Variants in PRKD1 observed in about 807,000 individuals in gnomAD.
PRKD1 encodes the protein serine/threonine-protein kinase D1.
PRKD1 carries 63 observed loss-of-function variants against 95.9 expected under a neutral mutation model. That is an observed-to-expected ratio of 0.66 (90% CI 0.54 to 0.81). PRKD1 has a LOEUF of 0.81. Among genes scored for constraint, PRKD1 ranks in the 30% least tolerant of loss-of-function variants. The probability of loss-of-function intolerance (pLI) is 0.00; values close to 1 mark genes in which losing one functional copy is unlikely to be tolerated. For synonymous variants in PRKD1, 425 were observed against 423.1 expected, an observed-to-expected ratio of 1.00 and a Z score of -0.05; for missense variants, 1,048 against 1,165.3, an observed-to-expected ratio of 0.90 and a Z score of 1.47.
chr14:29,839,101 A>C (rs1323022259), intron 1 of PRKD1, among the ~76,000 whole-genome samples: 1 of 152,204 alleles, frequency 6.6e-6, no homozygotes, highest in East Asian at 1.9e-4. Flanking sequence ...ACGAAAAAAA[A>C]AATTCCTCGT....
intron 1 of PRKD1, among the ~76,000 whole-genome samples, chr14:29,878,450 T>C (rs1177403071): frequency 6.6e-6 from 1 of 151,404 alleles, no homozygotes; most frequent in South Asian, 2.1e-4. Context: ...AAACAAATAC[T>C]TGTACAACAA....
intron 16 of PRKD1, among the ~76,000 whole-genome samples, chr14:29,590,851 C>T (rs2138986004): frequency 1.3e-5 from 2 of 152,208 alleles, no homozygotes; most frequent in South Asian, 2.1e-4. Context: ...AGTGCAGAGG[C>T]ACTTGCACCC....
chr14:29,624,204 C>A lies in PRKD1; in HGVS notation c.1853G>T (p.Arg618Leu). The change falls in exon 13 of 18, where the codon CGA becomes CTA. Residue 618 changes from arginine to leucine, a missense_variant. This residue lies in a region of PRKD1 where 739 missense variants were observed against 861.9 expected (regional missense o/e 0.86). Coordinates refer to ENST00000331968, the MANE Select transcript of PRKD1 (RefSeq NM_002742.3). Reference protein sequence around the residue: ...DVAIKIIDKLRFPTKQESQLR... With the variant: ...DVAIKIIDKLLFPTKQESQLR... The stretch of plus-strand genomic sequence containing the variant: ...CTGGCTTTCTTGTTTTGTTGGAAAT[C>A]GTAATTTGTCAATGATTTTAATAGC... 3 of 1,604,232 alleles carry A rather than the reference C, an allele frequency of 1.9e-6. No homozygotes were observed. Among genetic ancestry groups the A allele is most frequent in the Non-Finnish European group, 2.6e-6 (3 of 1,174,964 alleles).
chr14:29,919,688 C>T (rs768508404), intron 1 of PRKD1, among the ~76,000 whole-genome samples: 3 of 152,026 alleles, frequency 2.0e-5, no homozygotes, highest in Non-Finnish European at 4.4e-5. Context: ...TGAGGCTGAG[C>T]GCAGTGGCTC....
At chr14:29,747,493 C>T (rs568376559) in intron 1 of PRKD1, among the ~76,000 whole-genome samples, 36 of 152,228 alleles carry the variant, frequency 2.4e-4, no homozygotes, top group African/African-American at 8.7e-4. Flanking sequence ...ACAAATACTG[C>T]ACACACATGT....
intron 1 of PRKD1, among the ~76,000 whole-genome samples, chr14:29,813,366 T>C (rs1890567953): frequency 6.6e-6 from 1 of 152,214 alleles, no homozygotes; most frequent in Admixed American, 6.5e-5. Context: ...ACTTAAATTT[T>C]ATATACAAAA....
intron 1 of PRKD1, among the ~76,000 whole-genome samples, chr14:29,775,398 C>T (rs898930543): frequency 6.6e-6 from 1 of 152,174 alleles, no homozygotes; most frequent in Admixed American, 6.5e-5. Context: ...CTTTCCTAGC[C>T]AAGGGAAGCT....
rs150650187 is a variant in PRKD1 at position 29,647,146 on chromosome 14, A to G, written c.697-8242T>C. On this transcript the variant is annotated intron_variant, in intron 4 of 17. Coordinates refer to ENST00000331968, the MANE Select transcript of PRKD1 (RefSeq NM_002742.3). ...TACTGTGTTATACCATGGAGAATCC[A>G]TTTCTTAAATGTTTACAGCAATTTG... 5.9e-5 allele frequency among the ~76,000 whole-genome samples: 9 copies of G among 152,298 alleles called. No individual in the cohort carries two copies. In the East Asian group the frequency reaches 1.7e-3, roughly 29 times the overall value.
At chr14:29,719,334 T>A (rs754072820) in intron 2 of PRKD1, among the ~76,000 whole-genome samples, 1 of 152,146 alleles carries the variant, frequency 6.6e-6, no homozygotes, top group Non-Finnish European at 1.5e-5. Flanking sequence ...GTATATGAAT[T>A]AAATATTTAC....
At chr14:29,917,770 C>A (rs1396806898) in intron 1 of PRKD1, among the ~76,000 whole-genome samples, 1 of 151,878 alleles carries the variant, frequency 6.6e-6, no homozygotes, top group African/African-American at 2.4e-5. Context: ...ATACCTATAC[C>A]ACAGTTCTTC....
chr14:29,607,823 T>C (rs8020889), intron 13 of PRKD1, among the ~76,000 whole-genome samples: 79,545 of 151,968 alleles, frequency 0.52, 21,632 homozygotes, highest in East Asian at 0.68. Flanking sequence ...CCTAAGGTAA[T>C]ATATTTACTG....
Position 29,913,080 on chromosome 14 carries a change from C to T in PRKD1, c.264+14169G>A, listed in dbSNP as rs879895227. Among the ~76,000 whole-genome samples, 16 of 152,288 alleles carry T rather than the reference C, an allele frequency of 1.1e-4. No homozygotes were observed. The East Asian group carries it at 1.4e-3, about 13-fold the overall frequency. On this transcript the variant is annotated intron_variant, in intron 1 of 17. Transcript: ENST00000331968. ...AAAGTGAGACTAAGCAATTAGCTTA[C>T]GAAATGAATTCTAAATGTTAGTTGT...
intron 4 of PRKD1, among the ~76,000 whole-genome samples, chr14:29,639,215 CAAAT>C (rs1161629426): frequency 6.6e-6 from 1 of 151,978 alleles, no homozygotes; most frequent in Non-Finnish European, 1.5e-5. Context: ...AAGTTGGAGT[CAAAT>C]AAACAGTGCA....
At chr14:29,850,124 A>G (rs1366938442) in intron 1 of PRKD1, among the ~76,000 whole-genome samples, 2 of 152,140 alleles carry the variant, frequency 1.3e-5, no homozygotes, top group African/African-American at 4.8e-5. Flanking sequence ...GAAACCATTC[A>G]CCTTAAGAAC....
At chr14:29,737,279 G>A (rs554262064) in intron 1 of PRKD1, among the ~76,000 whole-genome samples, 415 of 127,038 alleles carry the variant, frequency 3.3e-3, no homozygotes, top group Admixed American at 0.012. Flanking sequence ...CCGAGATTGC[G>A]CCACTGCAGT....
chr14:29,702,555 T>C (rs1884894240), intron 2 of PRKD1, among the ~76,000 whole-genome samples: 1 of 152,034 alleles, frequency 6.6e-6, no homozygotes, highest in Admixed American at 6.5e-5. Context: ...ATCATATTGT[T>C]TTCTTTTTTA....
intron 1 of PRKD1, among the ~76,000 whole-genome samples, chr14:29,755,494 G>C (rs984616540): frequency 6.6e-6 from 1 of 151,956 alleles, no homozygotes; most frequent in Non-Finnish European, 1.5e-5. Context: ...GACAAACCCC[G>C]GCGACACAGA....
intron 1 of PRKD1, among the ~76,000 whole-genome samples, chr14:29,785,324 A>G (rs1389045850): frequency 7.2e-5 from 11 of 152,086 alleles, no homozygotes; most frequent in Admixed American, 7.2e-4. Flanking sequence ...TTATTTTTGT[A>G]GCTATTGTAA....
At position 29,846,406 on chromosome 14, in the gene PRKD1, G is replaced by C. The variant is rs184244245; in HGVS notation, c.264+80843C>G. On this transcript the variant is annotated intron_variant, in intron 1 of 17. Transcript: ENST00000331968. ...TAGCTGTAGCTCTGACTGAGGGAGA[G>C]AGGTTACCCTATGAATATCCAGGAG... 9.7e-4 allele frequency among the ~76,000 whole-genome samples: 147 copies of C among 152,282 alleles called. 3 individuals are homozygous for C. Among genetic ancestry groups the C allele is most frequent in the African/African-American group, 3.4e-3 (142 of 41,560 alleles).
Sources: allele counts gnomAD v4.1 joint callset (sites outside exome capture counted in the v4.1 genomes callset), GRCh38; gene constraint gnomAD v4.1.1; regional missense constraint gnomAD v4.1.1; transcripts MANE v1.5; gene names NCBI Gene and HGNC (gene_info 2026-07-23, HGNC 2026-07-21).